The following MPPED2 variants were observed in gnomAD, a reference collection of about 807,000 sequenced individuals.
MPPED2 encodes metallophosphoesterase MPPED2.
A neutral mutation model predicts 33.0 loss-of-function variants in MPPED2; 5 were observed. The observed-to-expected ratio is 0.15, with a 90% CI of 0.08 to 0.32. The LOEUF is 0.32. Ranked by LOEUF, MPPED2 falls within the 10% of genes least tolerant of loss-of-function variation. MPPED2 has a pLI of 1.00. For synonymous variants in MPPED2, 136 were observed against 141.9 expected (o/e 0.96, Z 0.29); for missense variants, 275 against 372.1 (o/e 0.74, Z 2.15).
At chr11:30,520,858 G>A (rs919761293) in intron 3 of MPPED2, among the ~76,000 whole-genome samples, 1 of 152,138 alleles carries the variant, frequency 6.6e-6, no homozygotes, top group South Asian at 2.1e-4. Flanking sequence ...AGCAGCCAAG[G>A]GGGTAAGTGG....
At chr11:30,401,756 C>T (rs1361135889) in intron 6 of MPPED2, among the ~76,000 whole-genome samples, 1 of 152,172 alleles carries the variant, frequency 6.6e-6, no homozygotes, top group Non-Finnish European at 1.5e-5. Context: ...ACAATCTCAG[C>T]TCACTGCAAG....
intron 4 of MPPED2, among the ~76,000 whole-genome samples, chr11:30,480,895 T>C (rs754497317): frequency 5.9e-5 from 9 of 152,046 alleles, no homozygotes; most frequent in Non-Finnish European, 1.0e-4. Flanking sequence ...TAGCCCACAC[T>C]CTATCTCCAC....
rs567971620 is a variant in MPPED2, at chr11:30,512,467, AT to A, written c.311-16947del. Among the ~76,000 whole-genome samples the A allele has an allele frequency of 1.9e-3, 288 of 152,082 alleles. 1 individual carries two copies. The highest frequency in any genetic ancestry group is 6.3e-3 in the African/African-American group (262 of 41,478). ...AAGAAAAGTTTATGAAGAAGTTTGAATTTACAAAACAAACAAACAAAAAAAC... is the reference window on the plus strand; with the variant it reads ...AAGAAAAGTTTATGAAGAAGTTTGAATTACAAAACAAACAAACAAAAAAAC... On this transcript the variant is annotated intron_variant, in intron 3 of 6. Transcript: ENST00000358117.
At chr11:30,461,017 AAC>A (rs1403771159) in intron 4 of MPPED2, among the ~76,000 whole-genome samples, 1 of 152,236 alleles carries the variant, frequency 6.6e-6, no homozygotes, top group East Asian at 1.9e-4. Flanking sequence ...GTGATATATA[AAC>A]ACAGGGGAAT....
intron 4 of MPPED2, among the ~76,000 whole-genome samples, chr11:30,453,952 T>C (rs1279129361): frequency 1.3e-5 from 2 of 152,128 alleles, no homozygotes; most frequent in Admixed American, 6.5e-5. Flanking sequence ...GGTGTGGCTG[T>C]GATATACAAA....
intron 2 of MPPED2, among the ~76,000 whole-genome samples, chr11:30,571,729 T>C (rs1435479620): frequency 1.3e-5 from 2 of 152,184 alleles, no homozygotes; most frequent in Admixed American, 1.3e-4. Flanking sequence ...CTTCTCCTTT[T>C]TGGAAACAGT....
intron 2 of MPPED2, among the ~76,000 whole-genome samples, chr11:30,552,349 T>C (rs757858861): frequency 1.4e-4 from 22 of 152,196 alleles, no homozygotes; most frequent in Non-Finnish European, 2.2e-4. Flanking sequence ...AAATGCTTTT[T>C]TTACCCTAGT....
intron 4 of MPPED2, 91 bp downstream of exon 4, chr11:30,495,205 T>C (rs1394947818): frequency 3.4e-6 from 3 of 876,700 alleles, no homozygotes; most frequent in Non-Finnish European, 5.6e-6. Context: ...TTCATCCTAA[T>C]CATTTTCATT....
chr11:30,571,421 C>A (rs564020453), intron 2 of MPPED2, among the ~76,000 whole-genome samples: 2 of 152,128 alleles, frequency 1.3e-5, no homozygotes, highest in East Asian at 3.9e-4. Context: ...AACAGAGTTT[C>A]CTCTTTGCAG....
intron 2 of MPPED2, among the ~76,000 whole-genome samples, chr11:30,545,870 T>C (rs1277367410): frequency 1.3e-5 from 2 of 151,684 alleles, no homozygotes; most frequent in Non-Finnish European, 2.9e-5. Flanking sequence ...TATACATATA[T>C]ATATTTTTTT....
intron 4 of MPPED2, among the ~76,000 whole-genome samples, chr11:30,463,332 T>A (rs1388283033): frequency 6.6e-6 from 1 of 152,238 alleles, no homozygotes; most frequent in Non-Finnish European, 1.5e-5. Context: ...TTAGTTGGTT[T>A]CCTATACTCA....
chr11:30,542,123 G>T (rs146818467), intron 2 of MPPED2, among the ~76,000 whole-genome samples: 105 of 152,328 alleles, frequency 6.9e-4, no homozygotes, highest in African/African-American at 2.4e-3. Flanking sequence ...ACTTAGAGAT[G>T]ATCTGATCCT....
chr11:30,472,089 C>A (rs889001240), intron 4 of MPPED2, among the ~76,000 whole-genome samples: 1 of 152,208 alleles, frequency 6.6e-6, no homozygotes, highest in Non-Finnish European at 1.5e-5. Flanking sequence ...TAAGGCTAGG[C>A]GCAGTGGCTC....
chr11:30,491,600 C>A (rs1461284513), intron 4 of MPPED2, among the ~76,000 whole-genome samples: 1 of 152,174 alleles, frequency 6.6e-6, no homozygotes, highest in Non-Finnish European at 1.5e-5. Context: ...TTCATAACAA[C>A]CATGAAACCG....
At chr11:30,575,531 C>T (rs1476141867) in intron 2 of MPPED2, among the ~76,000 whole-genome samples, 6 of 152,214 alleles carry the variant, frequency 3.9e-5, no homozygotes, top group African/African-American at 1.4e-4. Context: ...TGATTTCAGA[C>T]CATATTCTCA....
intron 4 of MPPED2, among the ~76,000 whole-genome samples, chr11:30,477,337 T>C (rs192459915): frequency 1.3e-3 from 191 of 152,220 alleles, no homozygotes; most frequent in African/African-American, 4.5e-3. Context: ...ATATTTGCCA[T>C]CAGTTGTGAT....
intron 2 of MPPED2, among the ~76,000 whole-genome samples, chr11:30,558,356 A>G (rs925408394): frequency 2.6e-5 from 4 of 151,560 alleles, no homozygotes; most frequent in African/African-American, 9.7e-5. Flanking sequence ...CCTTACTTAT[A>G]TGTACTTTGT....
At chr11:30,481,435 G>A (rs921189374) in intron 4 of MPPED2, among the ~76,000 whole-genome samples, 3 of 152,070 alleles carry the variant, frequency 2.0e-5, no homozygotes, top group African/African-American at 4.8e-5. Context: ...AAAGCAAACC[G>A]AGCAGCCTGA....
At chr11:30,518,514 T>C (rs934640939) in intron 3 of MPPED2, among the ~76,000 whole-genome samples, 1 of 152,226 alleles carries the variant, frequency 6.6e-6, no homozygotes, top group Non-Finnish European at 1.5e-5. Flanking sequence ...ATTAAATGTG[T>C]GATTTACCCA....
Sources: gnomAD v4.1 joint callset for allele counts (sites outside exome capture counted in the v4.1 genomes callset) on GRCh38, gnomAD v4.1.1 for gene constraint, MANE v1.5 for transcripts, NCBI Gene and HGNC (gene_info 2026-07-23, HGNC 2026-07-21) for gene names.